The following DPY19L1 variants were observed in gnomAD, a reference collection of about 807,000 sequenced individuals.
DPY19L1 encodes dpy-19 like C-mannosyltransferase 1, also known as protein C-mannosyl-transferase DPY19L1.
A neutral mutation model predicts 96.9 loss-of-function variants in DPY19L1; 35 were observed. That is an observed-to-expected ratio of 0.36 (90% CI 0.28 to 0.48). DPY19L1 has a LOEUF of 0.48. Among genes scored for constraint, DPY19L1 ranks in the 20% least tolerant of loss-of-function variants. DPY19L1 has a pLI of 0.99. For missense variants in DPY19L1, 521 were observed against 777.9 expected, an observed-to-expected ratio of 0.67 and a Z score of 3.93; for synonymous variants, 205 against 252.6, an observed-to-expected ratio of 0.81 and a Z score of 1.79.
intron 3 of DPY19L1, among the ~76,000 whole-genome samples, chr7:35,014,215 G>A (rs1785784493): frequency 6.6e-6 from 1 of 152,138 alleles, no homozygotes. Context: ...TATTACATAT[G>A]AATTTCACTC....
intron 7 of DPY19L1, among the ~76,000 whole-genome samples, chr7:34,986,268 A>G (rs1785044764): frequency 1.3e-5 from 2 of 152,016 alleles, no homozygotes; most frequent in Admixed American, 6.6e-5. Context: ...AATGTATTGC[A>G]TATTTCGAAA....
chr7:34,998,600 C>T (rs970858459), intron 6 of DPY19L1, among the ~76,000 whole-genome samples: 5 of 152,174 alleles, frequency 3.3e-5, no homozygotes, highest in African/African-American at 1.2e-4. Flanking sequence ...CGGACTCTGG[C>T]CACAGGCAGA....
In DPY19L1 at chr7:35,021,096, A is replaced by G. The variant is rs536122194; in HGVS notation, c.299-2500T>C. On this transcript the variant is annotated intron_variant, in intron 1 of 21. Transcript: ENST00000638088. ...TACTATTAGTTTCTTATTCCTGACA[A>G]AAACAATAAACTTCTAGAATATTAC... 7.9e-5 allele frequency among the ~76,000 whole-genome samples: 12 copies of G among 152,314 alleles called. No individual in the cohort carries two copies. The South Asian group carries it at 2.5e-3, about 32-fold the overall frequency.
At chr7:34,957,839 A>G (rs1194271328) in intron 11 of DPY19L1, 145 bp downstream of exon 11, 1 of 520,336 alleles carries the variant, frequency 1.9e-6, no homozygotes, top group African/African-American at 2.1e-5. Context: ...AGAATTGAGT[A>G]CTTGAACACC....
At chr7:34,975,483 A>G (rs182702216) in intron 7 of DPY19L1, among the ~76,000 whole-genome samples, 22 of 152,354 alleles carry the variant, frequency 1.4e-4, no homozygotes, top group South Asian at 6.2e-4. Flanking sequence ...GTTTAAGGAA[A>G]GAAGCCATCT....
chr7:34,976,167 T>G (rs1424448564), intron 7 of DPY19L1, among the ~76,000 whole-genome samples: 5 of 152,182 alleles, frequency 3.3e-5, no homozygotes, highest in African/African-American at 1.2e-4. Flanking sequence ...TGGAGTGGAT[T>G]AACTATTTCA....
chr7:35,013,955 T>C (rs373174898), intron 3 of DPY19L1, among the ~76,000 whole-genome samples: 1 of 152,168 alleles, frequency 6.6e-6, no homozygotes, highest in African/African-American at 2.4e-5. Context: ...TAAAAAATAA[T>C]ACGACTCAGC....
chr7:35,017,464 C>A (rs1287034415), intron 3 of DPY19L1, among the ~76,000 whole-genome samples: 1 of 132,576 alleles, frequency 7.5e-6, no homozygotes, highest in South Asian at 2.4e-4. Context: ...CACTGCAGTC[C>A]GCAGTCCGGC....
intron 10 of DPY19L1, among the ~76,000 whole-genome samples, chr7:34,963,279 A>C (rs1784541062): frequency 6.6e-6 from 1 of 152,116 alleles, no homozygotes; most frequent in African/African-American, 2.4e-5. Flanking sequence ...AACAAAAACC[A>C]CGGTGAGATA....
Position 34,979,639 on chromosome 7 carries a change from C to T in DPY19L1, c.823-6034G>A, listed in dbSNP as rs564221687. ...ATTACAGAATAATTTGTTTCTGGAA[C>T]CTTTTTGAGTTTGAAAGGAAGTGTT... On this transcript the variant is annotated intron_variant, in intron 7 of 21. Coordinates refer to ENST00000638088, the MANE Select transcript of DPY19L1 (RefSeq NM_001366673.1). Among the ~76,000 whole-genome samples, 9 of 151,862 alleles carry T rather than the reference C, an allele frequency of 5.9e-5. No individual in the cohort carries two copies. In the South Asian group the frequency reaches 1.2e-3, roughly 21 times the overall value.
chr7:35,013,779 GTT>G, intron 3 of DPY19L1, 74 bp from the exon 4 acceptor site: 1 of 1,239,728 alleles, frequency 8.1e-7, no homozygotes, highest in Non-Finnish European at 1.1e-6. Context: ...TAAATACACT[GTT>G]TTTGAAAAAC....
chr7:34,945,268 T>A (rs968799925), intron 16 of DPY19L1, among the ~76,000 whole-genome samples: 1 of 152,146 alleles, frequency 6.6e-6, no homozygotes, highest in Non-Finnish European at 1.5e-5. Flanking sequence ...AATTCTCTGG[T>A]TCATCTGAAA....
intron 6 of DPY19L1, among the ~76,000 whole-genome samples, chr7:34,992,292 AT>A (rs1785187491): frequency 6.6e-6 from 1 of 152,052 alleles, no homozygotes; most frequent in South Asian, 2.1e-4. Context: ...ATTCTTGTCT[AT>A]TTTTCTATTT....
chr7:34,943,298 C>A (rs561832543), intron 16 of DPY19L1, among the ~76,000 whole-genome samples: 59 of 152,298 alleles, frequency 3.9e-4, no homozygotes, highest in South Asian at 3.7e-3. Context: ...TCTTCTTTCA[C>A]ACCAAGTAAA....
At chr7:34,937,104 G>C (rs566532003) in intron 21 of DPY19L1, among the ~76,000 whole-genome samples, 18 of 152,268 alleles carry the variant, frequency 1.2e-4, no homozygotes, top group Middle Eastern at 6.8e-3. Flanking sequence ...AGTCACTTAC[G>C]TGCCACATTT....
Position 35,018,596 on chromosome 7 carries a change from GC to G in DPY19L1, c.299-1del, listed in dbSNP as rs865860207. 23 of 1,608,974 alleles carry G rather than the reference GC, an allele frequency of 1.4e-5. No homozygotes were observed. On this transcript the variant is annotated splice_acceptor_variant, in intron 1 of 21. Coordinates refer to ENST00000638088, the MANE Select transcript of DPY19L1 (RefSeq NM_001366673.1). LOFTEE classifies it high-confidence loss of function. ...CCAGTGCAACACTGCTGCAAAAACA[GC>G]TGTAAGAAAAAAGAAATTTAAATTA... is the stretch of plus-strand genomic sequence containing the variant.
At chr7:35,018,090 C>G (rs1562828651) in intron 2 of DPY19L1, 121 bp from the exon 3 acceptor site, 1 of 599,684 alleles carries the variant, frequency 1.7e-6, no homozygotes, top group Non-Finnish European at 2.7e-6. Flanking sequence ...TAATAACACT[C>G]AAATACAATA....
In DPY19L1 at chr7:34,949,707, C is replaced by T. The variant is rs974609201; in HGVS notation, c.1422+90G>A. 2.0e-5 allele frequency: 16 copies of T among 788,706 alleles called. No individual in the cohort carries two copies. The Admixed American group carries it at 2.8e-4, about 14-fold the overall frequency. 48.9% of individuals were successfully genotyped at this position (788,706 alleles called of 1,614,324 possible). A position where few individuals can be genotyped will look rare whatever the true frequency, so the allele number is the denominator to read the frequency against. On this transcript the variant is annotated intron_variant, in intron 14 of 21. Coordinates refer to ENST00000638088, the MANE Select transcript of DPY19L1 (RefSeq NM_001366673.1). ...CTTTTCCTTCAAACTGAGATAACAG[C>T]ACATAAAGAGTCTGATATAAGAGGA...
chr7:34,977,975 T>C (rs1241257950), intron 7 of DPY19L1, among the ~76,000 whole-genome samples: 1 of 152,146 alleles, frequency 6.6e-6, no homozygotes, highest in African/African-American at 2.4e-5. Flanking sequence ...AACATAATAC[T>C]GTGTAGATAT....
Sources: allele counts gnomAD v4.1 joint callset (sites outside exome capture counted in the v4.1 genomes callset), GRCh38; gene constraint gnomAD v4.1.1; transcripts MANE v1.5; gene names NCBI Gene and HGNC (gene_info 2026-07-23, HGNC 2026-07-21).